INVS: variants seen among roughly 807,000 people sequenced by gnomAD.
The protein encoded by INVS is inversion of embryo turning homolog.
A neutral mutation model predicts 108.8 loss-of-function variants in INVS; 86 were observed. The observed-to-expected ratio is 0.79, with a 90% confidence interval of 0.66 to 0.95. The LOEUF (loss-of-function observed/expected upper bound fraction) is 0.95, where lower values mean the gene tolerates loss of function less well. INVS is among the 40% of genes least tolerant of loss of function. The pLI, the probability that INVS is intolerant of heterozygous loss-of-function variation, is 0.00. For synonymous variants in INVS, 455 were observed against 473.5 expected (o/e 0.96, Z 0.51); for missense variants, 1,169 against 1,297.4 (o/e 0.90, Z 1.52).
At chr9:100,099,756 C>T (rs912349967) in intron 1 of INVS, among the ~76,000 whole-genome samples, 3 of 152,164 alleles carry the variant, frequency 2.0e-5, no homozygotes, top group African/African-American at 4.8e-5. Flanking sequence ...AGTATAATTA[C>T]GAAATTCCCT....
intron 3 of INVS, among the ~76,000 whole-genome samples, chr9:100,161,531 T>A (rs962527115): frequency 7.2e-5 from 11 of 152,026 alleles, no homozygotes; most frequent in Non-Finnish European, 1.2e-4. Context: ...ATTTGGGTGT[T>A]AGGAAGGTTT....
intron 13 of INVS, among the ~76,000 whole-genome samples, chr9:100,288,766 G>T (rs1254892825): frequency 6.6e-6 from 1 of 152,022 alleles, no homozygotes; most frequent in Non-Finnish European, 1.5e-5. Context: ...GACCATAGGT[G>T]TGCGCTACCA....
At chr9:100,151,498 A>G (rs937965316) in intron 3 of INVS, among the ~76,000 whole-genome samples, 1 of 151,898 alleles carries the variant, frequency 6.6e-6, no homozygotes, top group Non-Finnish European at 1.5e-5. Context: ...TAATAAATAT[A>G]TATATACCTT....
chr9:100,284,996 C>T (rs940104410), intron 13 of INVS, among the ~76,000 whole-genome samples: 9 of 152,244 alleles, frequency 5.9e-5, no homozygotes, highest in Non-Finnish European at 1.2e-4. Flanking sequence ...ACATTTTATG[C>T]GCCCGCCTGT....
chr9:100,214,950 T>C (rs770688036), intron 3 of INVS: 1 of 152,290 alleles, frequency 6.6e-6, no homozygotes, highest in Non-Finnish European at 1.5e-5. Flanking sequence ...CTTTCCTTCT[T>C]TGGCCACATA....
intron 2 of INVS, chr9:100,117,701 A>T: frequency 3.5e-6 from 2 of 576,924 alleles, no homozygotes; most frequent in South Asian, 2.1e-5. Context: ...ATTTAAGTTT[A>T]TGATACGTTT....
At chr9:100,194,616 G>A (rs142272355) in intron 3 of INVS, among the ~76,000 whole-genome samples, 1 of 151,438 alleles carries the variant, frequency 6.6e-6, no homozygotes, top group African/African-American at 2.4e-5. Context: ...AATTTAAATA[G>A]AAGTGATTAG....
intron 3 of INVS, among the ~76,000 whole-genome samples, chr9:100,154,891 C>T (rs1026569067): frequency 1.3e-5 from 2 of 152,160 alleles, no homozygotes; most frequent in African/African-American, 4.8e-5. Context: ...TTTGGAACTT[C>T]GTAAATTATT....
intron 1 of INVS, 29 bp from the exon 2 acceptor site, chr9:100,104,469 T>C (rs1588000076): frequency 2.5e-6 from 3 of 1,224,076 alleles, no homozygotes; most frequent in East Asian, 4.6e-5. Flanking sequence ...GTTTGCTGCA[T>C]GCGCTCATTG....
In INVS at chr9:100,300,952, C is replaced by G. The variant is rs774083765; in HGVS notation, c.*278C>G. On this transcript the variant is annotated 3_prime_UTR_variant, in exon 17 of 17. Coordinates refer to ENST00000262457, the MANE Select transcript of INVS (RefSeq NM_014425.5). Reference sequence around the variant, plus strand: ...GTGTCTGCTTTCACCTCAGTCTGTACAGTTGGAAATGAGAATTCATAATTA... The same window carrying G: ...GTGTCTGCTTTCACCTCAGTCTGTAGAGTTGGAAATGAGAATTCATAATTA... 4 of 445,654 alleles carry G rather than the reference C, an allele frequency of 9.0e-6. No homozygotes were observed. The highest frequency in any genetic ancestry group is 1.6e-5 in the Non-Finnish European group (4 of 245,422). The allele number at this position is 445,654 out of a possible 1,614,324, so 27.6% of individuals were successfully genotyped here. A position where few individuals can be genotyped will look rare whatever the true frequency, so the allele number is the denominator to read the frequency against.
intron 2 of INVS, among the ~76,000 whole-genome samples, chr9:100,113,631 G>A (rs368914416): frequency 6.6e-6 from 1 of 152,028 alleles, no homozygotes; most frequent in African/African-American, 2.4e-5. Flanking sequence ...ATGTGTTTAT[G>A]GGGGTGGAGT....
chr9:100,218,978 A>G (rs1383611571), intron 3 of INVS, among the ~76,000 whole-genome samples: 1 of 152,228 alleles, frequency 6.6e-6, no homozygotes, highest in Non-Finnish European at 1.5e-5. Context: ...AAGCAAACAA[A>G]TGAAAAACAA....
chr9:100,168,745 A>T (rs1162143219), intron 3 of INVS, among the ~76,000 whole-genome samples: 1 of 152,222 alleles, frequency 6.6e-6, no homozygotes, highest in Non-Finnish European at 1.5e-5. Context: ...TATACAAAGG[A>T]ATAGCTCCTG....
intron 3 of INVS, among the ~76,000 whole-genome samples, chr9:100,137,016 G>A (rs1285138302): frequency 6.6e-6 from 1 of 152,090 alleles, no homozygotes; most frequent in Non-Finnish European, 1.5e-5. Flanking sequence ...CTCCAGCCTG[G>A]TCAGCAGAGG....
intron 2 of INVS, among the ~76,000 whole-genome samples, chr9:100,104,844 G>A (rs754446469): frequency 6.6e-6 from 1 of 152,296 alleles, no homozygotes; most frequent in Non-Finnish European, 1.5e-5. Context: ...AAATTTCTAT[G>A]TATTTAGCAC....
Position 100,148,876 on chromosome 9 carries a change from A to G in INVS, c.273+22327A>G, listed in dbSNP as rs1828716296. Among the ~76,000 whole-genome samples, 3 of 152,248 alleles carry G rather than the reference A, an allele frequency of 2.0e-5. No homozygotes were observed. The South Asian group carries it at 6.2e-4, about 31-fold the overall frequency. On this transcript the variant is annotated intron_variant, in intron 3 of 16. Coordinates refer to ENST00000262457, the MANE Select transcript of INVS (RefSeq NM_014425.5). The stretch of plus-strand genomic sequence containing the variant: ...ACTTACATGGTGCAACATATGTATG[A>G]AAACAACTTTAGATCTGGGATTTGA...
chr9:100,217,167 G>A (rs1831015677), intron 3 of INVS, among the ~76,000 whole-genome samples: 3 of 152,066 alleles, frequency 2.0e-5, no homozygotes, highest in Admixed American at 1.3e-4. Context: ...AAATTAGCCA[G>A]GCATGGGGGC....
In INVS at chr9:100,226,159, A is replaced by G. The variant is rs1251662430; in HGVS notation, c.371A>G (p.His124Arg). 5 of 1,614,098 alleles carry G rather than the reference A, an allele frequency of 3.1e-6. No homozygotes were observed. Among genetic ancestry groups the G allele is most frequent in the South Asian group, 1.1e-5 (1 of 91,050 alleles). Reference protein sequence around the residue: ...EMTPLHLTTRHRSPKCLALLL... With the variant: ...EMTPLHLTTRRRSPKCLALLL... ...ACTCCTTTGCACTTGACCACCCGGCACAGGAGCCCTAAGTGTTTGGCACTT... is the reference window on the plus strand; with the variant it reads ...ACTCCTTTGCACTTGACCACCCGGCGCAGGAGCCCTAAGTGTTTGGCACTT... The change falls in exon 4 of 17, where the codon CAC becomes CGC. Residue 124 changes from histidine to arginine, a missense_variant. Coordinates refer to ENST00000262457, the MANE Select transcript of INVS (RefSeq NM_014425.5).
At chr9:100,259,035 T>C (rs749982159) in intron 10 of INVS, among the ~76,000 whole-genome samples, 2 of 152,190 alleles carry the variant, frequency 1.3e-5, no homozygotes, top group African/African-American at 4.8e-5. Context: ...CAAAGGCAGG[T>C]AGGCCTCCTT....
Sources: allele counts gnomAD v4.1 joint callset (sites outside exome capture counted in the v4.1 genomes callset), GRCh38; gene constraint gnomAD v4.1.1; transcripts MANE v1.5; gene names NCBI Gene and HGNC (gene_info 2026-07-23, HGNC 2026-07-21).